The following ACTR3B variants were observed in gnomAD, a reference collection of about 807,000 sequenced individuals.
ACTR3B encodes actin related protein 3B.
ACTR3B carries 8 observed loss-of-function variants against 59.0 expected under a neutral mutation model. The observed-to-expected ratio is 0.14, with a 90% CI of 0.08 to 0.24. The LOEUF (loss-of-function observed/expected upper bound fraction) is 0.24, where lower values mean the gene tolerates loss of function less well. Ranked by LOEUF, ACTR3B falls within the 10% of genes least tolerant of loss-of-function variation. The pLI, the probability that ACTR3B is intolerant of heterozygous loss-of-function variation, is 1.00. For missense variants in ACTR3B, 245 were observed against 552.3 expected (o/e 0.44, Z 5.58); for synonymous variants, 148 against 197.9 (o/e 0.75, Z 2.12).
chr7:152,823,614 G>A, intron 8 of ACTR3B, 99 bp downstream of exon 8: 1 of 1,401,684 alleles, frequency 7.1e-7, no homozygotes, highest in East Asian at 2.3e-5. Flanking sequence ...CCTGTGAGCA[G>A]GGTGGCCGTC....
intron 4 of ACTR3B, among the ~76,000 whole-genome samples, chr7:152,801,994 G>A (rs1270381428): frequency 6.6e-6 from 1 of 152,072 alleles, no homozygotes; most frequent in Non-Finnish European, 1.5e-5. Flanking sequence ...TGCAGCCTAG[G>A]GCACTAGCTG....
In ACTR3B at chr7:152,764,461, G is replaced by A. The variant is rs183882712; in HGVS notation, c.44+4535G>A. On this transcript the variant is annotated intron_variant, in intron 1 of 11. Coordinates refer to ENST00000256001, the MANE Select transcript of ACTR3B (RefSeq NM_020445.6). ...ATCCTGGCTAACACGGTGAAACCCC[G>A]TCTCTACTAAAAAAAAAAAGAAATA... Among the ~76,000 whole-genome samples, 68 of 151,564 alleles carry A rather than the reference G, an allele frequency of 4.5e-4. 1 individual carries two copies. Among genetic ancestry groups the A allele is most frequent in the African/African-American group, 1.5e-3 (64 of 41,334 alleles).
At chr7:152,831,776 G>A (rs1309489949) in intron 9 of ACTR3B, among the ~76,000 whole-genome samples, 1 of 152,170 alleles carries the variant, frequency 6.6e-6, no homozygotes, top group East Asian at 1.9e-4. Context: ...CCTCATGTTT[G>A]AACATGGGAA....
chr7:152,783,398 C>T (rs1372468275), intron 2 of ACTR3B, among the ~76,000 whole-genome samples, 156 bp downstream of exon 2: 1 of 152,212 alleles, frequency 6.6e-6, no homozygotes, highest in Non-Finnish European at 1.5e-5. Context: ...CCTTCTGTTC[C>T]ATTCTGATAA....
At chr7:152,853,685 T>G in intron 11 of ACTR3B, 108 bp downstream of exon 11, 4 of 941,242 alleles carry the variant, frequency 4.2e-6, no homozygotes, top group Non-Finnish European at 6.7e-6. Flanking sequence ...ATCGTGTGGC[T>G]CTAAACAGAC....
chr7:152,811,157 CAG>C (rs1795203558), intron 4 of ACTR3B: 1 of 148,280 alleles, frequency 6.7e-6, no homozygotes, highest in African/African-American at 2.5e-5. Flanking sequence ...CTCTTAACCT[CAG>C]AATGTAATTT....
At chr7:152,790,199 C>T (rs1374624508) in intron 2 of ACTR3B, among the ~76,000 whole-genome samples, 1 of 152,204 alleles carries the variant, frequency 6.6e-6, no homozygotes, top group East Asian at 1.9e-4. Flanking sequence ...CATTATATTG[C>T]CTGTCCTGGT....
intron 6 of ACTR3B, among the ~76,000 whole-genome samples, chr7:152,818,714 G>T (rs2116844755): frequency 6.6e-6 from 1 of 152,372 alleles, no homozygotes; most frequent in Non-Finnish European, 1.5e-5. Context: ...CTCCCAAGGT[G>T]CTGGGATTAC....
At chr7:152,793,237 G>T (rs1247565438) in intron 2 of ACTR3B, among the ~76,000 whole-genome samples, 1 of 83,464 alleles carries the variant, frequency 1.2e-5, no homozygotes, top group Non-Finnish European at 2.3e-5. Context: ...TTCTGGTCCT[G>T]CCTTCTTTCT....
At chr7:152,828,952 C>T (rs1796800676) in intron 9 of ACTR3B, among the ~76,000 whole-genome samples, 1 of 151,950 alleles carries the variant, frequency 6.6e-6, no homozygotes, top group Non-Finnish European at 1.5e-5. Flanking sequence ...GGTTTTTTCT[C>T]CTAGCTTTAT....
At chr7:152,780,961 T>C (rs532027570) in intron 1 of ACTR3B, among the ~76,000 whole-genome samples, 2 of 151,352 alleles carry the variant, frequency 1.3e-5, no homozygotes, top group South Asian at 4.2e-4. Flanking sequence ...TCCTCTTGCC[T>C]CAGTCTATTA....
chr7:152,779,523 A>G (rs2098145274), intron 1 of ACTR3B, among the ~76,000 whole-genome samples: 1 of 152,200 alleles, frequency 6.6e-6, no homozygotes, highest in Non-Finnish European at 1.5e-5. Flanking sequence ...TGCCTGCTAC[A>G]TTGTTACTAG....
At chr7:152,769,265 C>T (rs1314987752) in intron 1 of ACTR3B, among the ~76,000 whole-genome samples, 6 of 152,112 alleles carry the variant, frequency 3.9e-5, no homozygotes, top group Non-Finnish European at 8.8e-5. Flanking sequence ...GTGGGTTCTG[C>T]TTTATGAAAG....
At chr7:152,797,506 AC>A (rs1402730128) in intron 2 of ACTR3B, among the ~76,000 whole-genome samples, 1 of 152,212 alleles carries the variant, frequency 6.6e-6, no homozygotes, top group Non-Finnish European at 1.5e-5. Flanking sequence ...CAAATGCATT[AC>A]TTCATATAGT....
intron 9 of ACTR3B, among the ~76,000 whole-genome samples, chr7:152,827,392 T>C (rs1265088155): frequency 6.6e-6 from 1 of 152,110 alleles, no homozygotes; most frequent in African/African-American, 2.4e-5. Flanking sequence ...GGGCTGGCCA[T>C]GCTTTCTCGT....
Position 152,854,872 on chromosome 7 carries a change from A to T in ACTR3B, c.*319A>T, listed in dbSNP as rs62494975. 1.0e-3 allele frequency: 252 copies of T among 250,384 alleles called. 2 individuals carry two copies. The East Asian group carries it at 0.018, about 18-fold the overall frequency. The allele number at this position is 250,384 out of a possible 1,614,324, so 15.5% of individuals were successfully genotyped here. ...ACTTTGAAAATTGTTAGAGAAAACA[A>T]CATTAGAAAATGGCGCAAAATCGTT... On this transcript the variant is annotated 3_prime_UTR_variant, in exon 12 of 12. Transcript: ENST00000256001. The surrounding 1 kb of genome is among the most constrained non-coding windows in gnomAD (Gnocchi z 4.9).
intron 4 of ACTR3B, among the ~76,000 whole-genome samples, chr7:152,809,411 GC>G (rs1434566645): frequency 2.6e-5 from 4 of 152,114 alleles, no homozygotes; most frequent in East Asian, 3.8e-4. Context: ...TAGGGAGCGT[GC>G]CCCCCTCGCC....
intron 9 of ACTR3B, among the ~76,000 whole-genome samples, chr7:152,836,519 C>G (rs1797469653): frequency 6.6e-6 from 1 of 151,400 alleles, no homozygotes; most frequent in South Asian, 2.1e-4. Context: ...CCCAGAAGGT[C>G]GAGGCTGCAG....
intron 9 of ACTR3B, among the ~76,000 whole-genome samples, chr7:152,828,836 A>G (rs1299102096): frequency 6.6e-6 from 1 of 152,018 alleles, no homozygotes; most frequent in Non-Finnish European, 1.5e-5. Context: ...CTAGCCACAT[A>G]GACCAACAGA....
Sources: allele counts gnomAD v4.1 joint callset (sites outside exome capture counted in the v4.1 genomes callset), GRCh38; gene constraint gnomAD v4.1.1; non-coding constraint Gnocchi (gnomAD v3.1); transcripts MANE v1.5; gene names NCBI Gene and HGNC (gene_info 2026-07-23, HGNC 2026-07-21).